TUFT1: variants seen among roughly 807,000 people sequenced by gnomAD.
TUFT1 encodes the protein tuftelin 1, also known as tuftelin.
A neutral mutation model predicts 57.8 loss-of-function variants in TUFT1; 43 were observed. The ratio of observed to expected loss-of-function variants is 0.74; its 90% CI spans 0.58 to 0.96. The LOEUF (loss-of-function observed/expected upper bound fraction) is 0.96. Among genes scored for constraint, TUFT1 ranks in the 40% least tolerant of loss-of-function variants. TUFT1 has a pLI of 0.00. For synonymous variants in TUFT1, 166 were observed against 176.7 expected (o/e 0.94, Z 0.48); for missense variants, 459 against 489.0 (o/e 0.94, Z 0.58).
chr1:151,544,891 G>A (rs375033482), intron 1 of TUFT1, among the ~76,000 whole-genome samples: 2 of 152,122 alleles, frequency 1.3e-5, no homozygotes. Context: ...GACTTCTGTT[G>A]TAGGAATTAT....
intron 1 of TUFT1, among the ~76,000 whole-genome samples, chr1:151,561,303 A>T (rs903641319): frequency 6.6e-6 from 1 of 152,012 alleles, no homozygotes; most frequent in East Asian, 1.9e-4. Context: ...CGGCCTTTTT[A>T]AAAAAATCTT....
chr1:151,574,191 C>T, intron 7 of TUFT1, 79 bp from the exon 8 acceptor site: 5 of 1,538,110 alleles, frequency 3.3e-6, no homozygotes, highest in South Asian at 1.3e-5. Flanking sequence ...GCCCAGGTTC[C>T]TGGGTTCTTT....
intron 3 of TUFT1, 52 bp downstream of exon 3, chr1:151,562,738 G>A (rs569793583): frequency 5.4e-6 from 8 of 1,479,144 alleles, no homozygotes; most frequent in East Asian, 2.3e-5. Context: ...CTCCCTGCAC[G>A]TATATGAGAA....
chr1:151,565,514 CT>C (rs1214274159), intron 5 of TUFT1, among the ~76,000 whole-genome samples: 8 of 152,304 alleles, frequency 5.3e-5, no homozygotes, highest in South Asian at 4.1e-4. Flanking sequence ...TTTGCTTTGG[CT>C]GAAGGTAGGT....
intron 1 of TUFT1, among the ~76,000 whole-genome samples, chr1:151,550,448 G>C (rs1012752972): frequency 2.0e-5 from 3 of 152,026 alleles, no homozygotes; most frequent in African/African-American, 7.2e-5. Context: ...GGGTTTAAGC[G>C]ATTCTCCCAC....
At position 151,566,149 on chromosome 1, in the gene TUFT1, T is replaced by G. The variant is rs201717209; in HGVS notation, c.415-14T>G. 6.3e-7 allele frequency: 1 copy of G among 1,596,270 alleles called. No individual in the cohort carries two copies. The highest frequency in any genetic ancestry group is 1.3e-5 in the African/African-American group (1 of 74,710). Reference sequence around the variant, plus strand: ...CATCTGTTTTAACTACCAATTTTATTTTTCTTTGAACAGGTGGTGCTAGAA... The same window carrying G: ...CATCTGTTTTAACTACCAATTTTATGTTTCTTTGAACAGGTGGTGCTAGAA... On this transcript the variant is annotated splice_polypyrimidine_tract_variant and intron_variant, in intron 5 of 12. Transcript: ENST00000368849.
intron 1 of TUFT1, among the ~76,000 whole-genome samples, chr1:151,546,202 A>G (rs897461397): frequency 6.6e-6 from 1 of 151,826 alleles, no homozygotes; most frequent in African/African-American, 2.4e-5. Flanking sequence ...ATCAGCTGCA[A>G]TCTGAAGACT....
chr1:151,581,628 C>A lies in TUFT1; in HGVS notation c.1110-16C>A. Reference sequence around the variant, plus strand: ...CTGTTCCCAGCACAACTCAGTGTTTCCAACCTTCTTTTCAGTATTAGGATA... The same window carrying A: ...CTGTTCCCAGCACAACTCAGTGTTTACAACCTTCTTTTCAGTATTAGGATA... On this transcript the variant is annotated splice_polypyrimidine_tract_variant and intron_variant, in intron 12 of 12. Coordinates refer to ENST00000368849, the MANE Select transcript of TUFT1 (RefSeq NM_020127.3). 6.2e-7 allele frequency: 1 copy of A among 1,614,004 alleles called. No individual in the cohort carries two copies. Among genetic ancestry groups the A allele is most frequent in the Non-Finnish European group, 8.5e-7 (1 of 1,179,946 alleles).
At position 151,582,807 on chromosome 1, in the gene TUFT1, G is replaced by T. The variant is rs1042159909; in HGVS notation, c.*1100G>T. 6.6e-6 allele frequency: 1 copy of T among 152,482 alleles called. No individual in the cohort carries two copies. Among genetic ancestry groups the T allele is most frequent in the African/African-American group, 2.4e-5 (1 of 41,446 alleles). 9.4% of individuals were successfully genotyped at this position (152,482 alleles called of 1,614,324 possible). On this transcript the variant is annotated 3_prime_UTR_variant, in exon 13 of 13. Transcript: ENST00000368849. ...TCAGAGTATATGTTGTTTGGAGAAA[G>T]AGGGCAATCAGGACTCTTCTGGGAC...
intron 7 of TUFT1, among the ~76,000 whole-genome samples, chr1:151,573,360 G>T (rs1280575343): frequency 6.6e-6 from 1 of 152,208 alleles, no homozygotes; most frequent in Non-Finnish European, 1.5e-5. Context: ...AGTGAGACCT[G>T]GAGGATGAGT....
rs921918437 is a variant in TUFT1, at chr1:151,582,938, G to GTT, written c.*1243_*1244dup. 9.1e-5 allele frequency: 13 copies of GTT among 142,708 alleles called. No homozygotes were observed. The highest frequency in any genetic ancestry group is 2.0e-4 in the African/African-American group (8 of 39,202). The allele number at this position is 142,708 out of a possible 1,614,324, so 8.8% of individuals were successfully genotyped here. ...GTCATCATGGTTTTCTTTTTTTATT[G>GTT]TTTTTTTTTTTTTCTGAGACAGAGT... On this transcript the variant is annotated 3_prime_UTR_variant, in exon 13 of 13. Coordinates refer to ENST00000368849, the MANE Select transcript of TUFT1 (RefSeq NM_020127.3).
chr1:151,572,282 G>C (rs1432270480), intron 7 of TUFT1, among the ~76,000 whole-genome samples: 1 of 152,066 alleles, frequency 6.6e-6, no homozygotes, highest in Non-Finnish European at 1.5e-5. Flanking sequence ...GTTGGGCTAG[G>C]TTGGCACACC....
chr1:151,553,472 A>G (rs956586163), intron 1 of TUFT1, among the ~76,000 whole-genome samples: 1 of 152,090 alleles, frequency 6.6e-6, no homozygotes, highest in African/African-American at 2.4e-5. Context: ...GGCTTTGGGG[A>G]AAAGGGGTTC....
chr1:151,578,885 T>C (rs1415358023), intron 10 of TUFT1, 59 bp downstream of exon 10: 8 of 1,386,124 alleles, frequency 5.8e-6, no homozygotes, highest in Non-Finnish European at 7.9e-6. Flanking sequence ...TATGCTCTTA[T>C]TTGTTTCCTA....
In TUFT1 at chr1:151,554,695, C is replaced by CTTTT. The variant is rs771656418; in HGVS notation, c.61-7373_61-7370dup. 9.7e-4 allele frequency among the ~76,000 whole-genome samples: 83 copies of CTTTT among 85,678 alleles called. 3 individuals carry two copies. Among genetic ancestry groups the CTTTT allele is most frequent in the Non-Finnish European group, 1.4e-3 (64 of 46,080 alleles). The allele number at this position is 85,678 out of a possible 152,430, so 56.2% of individuals were successfully genotyped here. ...ACTGTGAACCACTGTGCCCGGCCCC[C>CTTTT]TTTTTTTTTTTTTTTTTTTTTTTTT... On this transcript the variant is annotated intron_variant, in intron 1 of 12. Coordinates refer to ENST00000368849, the MANE Select transcript of TUFT1 (RefSeq NM_020127.3).
Position 151,582,431 on chromosome 1 carries a change from C to T in TUFT1, c.*724C>T, listed in dbSNP as rs1371909851. On this transcript the variant is annotated 3_prime_UTR_variant, in exon 13 of 13. Coordinates refer to ENST00000368849, the MANE Select transcript of TUFT1 (RefSeq NM_020127.3). ...TCCCAGAGTCTCTTTAGGGATTTTC[C>T]CTAAGGTGTACCACCAGGCACACCT... The T allele has an allele frequency of 5.9e-6, 2 of 337,714 alleles. No homozygotes were observed. Among genetic ancestry groups the T allele is most frequent in the Non-Finnish European group, 1.2e-5 (2 of 171,624 alleles). 20.9% of individuals were successfully genotyped at this position (337,714 alleles called of 1,614,324 possible).
chr1:151,564,056 T>C, intron 4 of TUFT1, 66 bp downstream of exon 4: 1 of 1,307,698 alleles, frequency 7.6e-7, no homozygotes, highest in Non-Finnish European at 1.1e-6. Context: ...TTTTTGTGAC[T>C]GTCTTCTTTT....
intron 9 of TUFT1, 57 bp downstream of exon 9, chr1:151,575,062 C>T: frequency 6.9e-7 from 1 of 1,456,604 alleles, no homozygotes; most frequent in Non-Finnish European, 9.4e-7. Context: ...GGAGGGCAGG[C>T]CATACAGCCT....
intron 1 of TUFT1, among the ~76,000 whole-genome samples, chr1:151,541,975 T>C (rs1665182105): frequency 6.6e-6 from 1 of 152,142 alleles, no homozygotes; most frequent in African/African-American, 2.4e-5. Context: ...GCCTCCTGAG[T>C]AGCTGGGACT....
Sources: gnomAD v4.1 joint callset for allele counts (sites outside exome capture counted in the v4.1 genomes callset) on GRCh38, gnomAD v4.1.1 for gene constraint, MANE v1.5 for transcripts, NCBI Gene and HGNC (gene_info 2026-07-23, HGNC 2026-07-21) for gene names.